The following CUL3 variants were observed in gnomAD, a reference collection of about 807,000 sequenced individuals.
The protein encoded by CUL3 is cullin-3.
CUL3 carries 19 observed loss-of-function variants against 89.1 expected under a neutral mutation model. That is an observed-to-expected ratio of 0.21 (90% confidence interval 0.15 to 0.31). The LOEUF (loss-of-function observed/expected upper bound fraction) is 0.31, where lower values mean the gene tolerates loss of function less well. Among genes scored for constraint, CUL3 ranks in the 10% least tolerant of loss-of-function variants. The pLI is 1.00. For synonymous variants in CUL3, 351 were observed against 308.4 expected (o/e 1.14, Z -1.45); for missense variants, 469 against 942.3 (o/e 0.50, Z 6.58).
chr2:224,584,313 G>A (rs1002312988), intron 1 of CUL3, among the ~76,000 whole-genome samples: 11 of 152,250 alleles, frequency 7.2e-5, no homozygotes, highest in African/African-American at 2.4e-4. Context: ...GAGTGGCGAG[G>A]CAATCCTGCA....
intron 7 of CUL3, 67 bp from the exon 8 acceptor site, chr2:224,506,199 C>A (rs2106204315): frequency 1.9e-6 from 2 of 1,053,862 alleles, no homozygotes; most frequent in South Asian, 4.4e-5. Flanking sequence ...CACTTATGAC[C>A]ATGTATGTTT....
chr2:224,583,756 T>C (rs567271655), intron 1 of CUL3, among the ~76,000 whole-genome samples: 2 of 152,326 alleles, frequency 1.3e-5, no homozygotes, highest in East Asian at 3.9e-4. Flanking sequence ...TCATGTTCTC[T>C]GAAACTAAAT....
Position 224,530,089 on chromosome 2 carries a change from A to G in CUL3, c.378+5439T>C, listed in dbSNP as rs534786835. 2.9e-4 allele frequency among the ~76,000 whole-genome samples: 44 copies of G among 152,186 alleles called. 1 individual carries two copies. The highest frequency in any genetic ancestry group is 3.9e-4 in the Admixed American group (6 of 15,276). On this transcript the variant is annotated intron_variant, in intron 3 of 15. Transcript: ENST00000264414. ...CCGTCTCCAGTAAAAATACAAAAAA[A>G]TTAGCCGGGCGTGGTGGCAGGCGCC...
intron 13 of CUL3, among the ~76,000 whole-genome samples, chr2:224,486,021 T>G (rs1392388790): frequency 6.6e-6 from 1 of 152,268 alleles, no homozygotes; most frequent in Non-Finnish European, 1.5e-5. Context: ...AAGAGAGGCC[T>G]GATTGTTAGA....
intron 13 of CUL3, among the ~76,000 whole-genome samples, chr2:224,483,664 G>A (rs765944788): frequency 6.6e-6 from 1 of 152,148 alleles, no homozygotes; most frequent in Non-Finnish European, 1.5e-5. Context: ...CAGTATTAGT[G>A]TTAAATGAGA....
chr2:224,483,588 A>C (rs971065554), intron 13 of CUL3, among the ~76,000 whole-genome samples: 1 of 152,208 alleles, frequency 6.6e-6, no homozygotes, highest in Non-Finnish European at 1.5e-5. Flanking sequence ...CTATTCATCT[A>C]TATATACACA....
rs965421693 is a variant in CUL3, at chr2:224,473,327, C to T, written c.*918G>A. On this transcript the variant is annotated 3_prime_UTR_variant, in exon 16 of 16. Coordinates refer to ENST00000264414, the MANE Select transcript of CUL3 (RefSeq NM_003590.5). ...AGGGTATTTATAAACAAAGTATAGA[C>T]TGTATGTGCTTTTCAGAGGGGCTGA... 5.2e-6 allele frequency: 1 copy of T among 193,758 alleles called. No individual in the cohort carries two copies. The highest frequency in any genetic ancestry group is 2.3e-5 in the African/African-American group (1 of 43,110). The allele number at this position is 193,758 out of a possible 1,614,324, so 12.0% of individuals were successfully genotyped here. A position where few individuals can be genotyped will look rare whatever the true frequency, so the allele number is the denominator to read the frequency against.
At chr2:224,572,626 G>T (rs1458766675) in intron 1 of CUL3, among the ~76,000 whole-genome samples, 1 of 105,294 alleles carries the variant, frequency 9.5e-6, no homozygotes, top group African/African-American at 4.1e-5. Flanking sequence ...GGGTGAGAGT[G>T]AGAGAAAAAA....
intron 15 of CUL3, among the ~76,000 whole-genome samples, chr2:224,474,744 C>G (rs966510055): frequency 6.6e-6 from 1 of 152,140 alleles, no homozygotes; most frequent in Non-Finnish European, 1.5e-5. Context: ...ACACAAACTC[C>G]GGACTCAGAG....
Position 224,485,202 on chromosome 2 carries a change from G to A in CUL3, c.1843-3124C>T, listed in dbSNP as rs972857051. 2 of 152,374 alleles carry A rather than the reference G, an allele frequency of 1.3e-5. No individual in the cohort carries two copies. Among genetic ancestry groups the A allele is most frequent in the Admixed American group, 6.5e-5 (1 of 15,290 alleles). 9.4% of individuals were successfully genotyped at this position (152,374 alleles called of 1,614,324 possible). A position where few individuals can be genotyped will look rare whatever the true frequency, so the allele number is the denominator to read the frequency against. Reference sequence around the variant, plus strand: ...ACAAAACTGGTCGGCTGTTTGGGCAGATACCAACTTAGCTGTAGGAGTTTT... The same window carrying A: ...ACAAAACTGGTCGGCTGTTTGGGCAAATACCAACTTAGCTGTAGGAGTTTT... On this transcript the variant is annotated intron_variant, in intron 13 of 15. Transcript: ENST00000264414. The surrounding 1 kb of genome is among the most constrained non-coding windows in gnomAD (Gnocchi z 4.1).
At chr2:224,514,574 T>TAAAACC (rs771829821) in intron 4 of CUL3, 38 bp downstream of exon 4, 4 of 1,555,580 alleles carry the variant, frequency 2.6e-6, no homozygotes, top group East Asian at 4.5e-5. Flanking sequence ...ATATAATCAC[T>TAAAACC]AAAACCAAAA....
Position 224,500,239 on chromosome 2 carries a change from C to G in CUL3, c.1610+124G>C, listed in dbSNP as rs1225336191. 1.5e-5 allele frequency: 17 copies of G among 1,172,048 alleles called. No individual in the cohort carries two copies. In the East Asian group the frequency reaches 4.2e-4, roughly 29 times the overall value. 72.6% of individuals were successfully genotyped at this position (1,172,048 alleles called of 1,614,324 possible). A position where few individuals can be genotyped will look rare whatever the true frequency, so the allele number is the denominator to read the frequency against. On this transcript the variant is annotated intron_variant, in intron 11 of 15. Coordinates refer to ENST00000264414, the MANE Select transcript of CUL3 (RefSeq NM_003590.5). ...TTGCTGTATGCCAGGATAAATGCTCCTTTTGATCACGAGGTAATAAATGGA... is the reference window on the plus strand; with the variant it reads ...TTGCTGTATGCCAGGATAAATGCTCGTTTTGATCACGAGGTAATAAATGGA...
At chr2:224,503,110 T>C (rs1269186838) in intron 9 of CUL3, 38 bp from the exon 10 acceptor site, 5 of 1,174,472 alleles carry the variant, frequency 4.3e-6, no homozygotes, top group Middle Eastern at 1.9e-4. Flanking sequence ...AAATAAATGG[T>C]AGATGTTTCT....
chr2:224,481,856 A>G (rs766853487), intron 14 of CUL3, 36 bp downstream of exon 14: 24 of 1,372,930 alleles, frequency 1.7e-5, no homozygotes, highest in Middle Eastern at 2.7e-4. Context: ...AGAAAAATAT[A>G]TAATTTTTTG....
At chr2:224,525,965 C>A (rs1284210855) in intron 3 of CUL3, among the ~76,000 whole-genome samples, 1 of 152,214 alleles carries the variant, frequency 6.6e-6, no homozygotes, top group African/African-American at 2.4e-5. Context: ...CACCCATAAA[C>A]CCCTTGAAAC....
chr2:224,487,548 G>C (rs1691780078), intron 13 of CUL3, among the ~76,000 whole-genome samples: 1 of 146,536 alleles, frequency 6.8e-6, no homozygotes, highest in South Asian at 2.2e-4. Context: ...GCAACAAGAA[G>C]AGCTAACTAT....
intron 2 of CUL3, among the ~76,000 whole-genome samples, chr2:224,537,122 G>A (rs1693928061): frequency 6.6e-6 from 1 of 152,106 alleles, no homozygotes; most frequent in Non-Finnish European, 1.5e-5. Context: ...TGTATGTTGA[G>A]ATATATAGAC....
intron 2 of CUL3, among the ~76,000 whole-genome samples, chr2:224,551,174 T>G (rs1284765915): frequency 2.6e-5 from 4 of 151,510 alleles, no homozygotes; most frequent in African/African-American, 9.7e-5. Context: ...TGAGCGACTG[T>G]GACTACAGGT....
At chr2:224,538,296 A>G (rs1693967780) in intron 2 of CUL3, among the ~76,000 whole-genome samples, 1 of 152,220 alleles carries the variant, frequency 6.6e-6, no homozygotes, top group South Asian at 2.1e-4. Context: ...AAGTGAACAG[A>G]TTATTTATTC....
Sources: gnomAD v4.1 joint callset for allele counts (sites outside exome capture counted in the v4.1 genomes callset) on GRCh38, gnomAD v4.1.1 for gene constraint, Gnocchi (gnomAD v3.1) non-coding constraint, MANE v1.5 for transcripts, NCBI Gene and HGNC (gene_info 2026-07-23, HGNC 2026-07-21) for gene names.